The following PDHA1 variants were observed in gnomAD, a reference collection of about 807,000 sequenced individuals.
The protein encoded by PDHA1 is pyruvate dehydrogenase E1 subunit alpha 1, also known as pyruvate dehydrogenase E1 component subunit alpha, somatic form, mitochondrial.
Under a neutral mutation model 33.0 loss-of-function variants are expected in PDHA1, and 1 was observed. The observed-to-expected ratio is 0.03, with a 90% CI of 0.01 to 0.14. The LOEUF is 0.14. PDHA1 is among the 10% of genes least tolerant of loss of function. The probability of loss-of-function intolerance (pLI) is 1.00; values close to 1 mark genes in which losing one functional copy is unlikely to be tolerated. For synonymous variants in PDHA1, 123 were observed against 119.2 expected, an observed-to-expected ratio of 1.03 and a Z score of -0.21; for missense variants, 168 against 325.1, an observed-to-expected ratio of 0.52 and a Z score of 3.72.
chrX:19,345,886 C>A, intron 1 of PDHA1: 1 of 178,566 alleles, frequency 5.6e-6, no homozygotes, highest in African/African-American at 3.1e-5. Flanking sequence ...CTCAACTTGT[C>A]ATGGACTAAT....
At chrX:19,351,891 C>T (rs2063165666) in intron 4 of PDHA1, among the ~76,000 whole-genome samples, 1 of 105,330 alleles carries the variant, frequency 9.5e-6, no homozygotes, top group Non-Finnish European at 1.9e-5. Flanking sequence ...CTCCACCTCC[C>T]GGGTTCAAGT....
chrX:19,356,957 C>T (rs1231771414), intron 8 of PDHA1, among the ~76,000 whole-genome samples: 1 of 111,854 alleles, frequency 8.9e-6, no homozygotes, highest in Non-Finnish European at 1.9e-5. Context: ...TGTCCAGACT[C>T]CCAGCAGAGC....
At chrX:19,349,895 A>T in intron 2 of PDHA1, 42 bp from the exon 3 acceptor site, 2 of 1,090,065 alleles carry the variant, frequency 1.8e-6, no homozygotes, top group South Asian at 3.7e-5. Flanking sequence ...AGTGTTTGCA[A>T]TGTAGTATGT....
At position 19,361,587 on chromosome X, in the gene PDHA1, G is replaced by A; in HGVS notation, c.*1934G>A. 8.4e-7 allele frequency: 1 copy of A among 1,188,487 alleles called. No individual in the cohort carries two copies. Among genetic ancestry groups the A allele is most frequent in the Non-Finnish European group, 1.1e-6 (1 of 876,313 alleles). On this transcript the variant is annotated 3_prime_UTR_variant, in exon 11 of 11. Coordinates refer to ENST00000422285, the MANE Select transcript of PDHA1 (RefSeq NM_000284.4). ...CCCGTAGGGGCCTGCTGGGTTCTCT[G>A]TAATACCTGTAACGATTGGCAATTT...
rs1401261893 is a variant in PDHA1, at chrX:19,360,858, C to T, written c.*1205C>T. ...CCTGGGAAACAAACACAGCTGTCTT[C>T]AGAGTCAGTGCTTCAAGCCAACAGA... On this transcript the variant is annotated 3_prime_UTR_variant, in exon 11 of 11. Transcript: ENST00000422285. 1.8e-6 allele frequency: 2 copies of T among 1,120,961 alleles called. No individual in the cohort carries two copies. Among genetic ancestry groups the T allele is most frequent in the Non-Finnish European group, 2.4e-6 (2 of 826,074 alleles). 92.4% of individuals were successfully genotyped at this position (1,120,961 alleles called of 1,213,427 possible). A position where few individuals can be genotyped will look rare whatever the true frequency, so the allele number is the denominator to read the frequency against.
chrX:19,346,624 G>GT, intron 1 of PDHA1: 1 of 951,180 alleles, frequency 1.1e-6, no homozygotes, highest in Non-Finnish European at 1.3e-6. Flanking sequence ...AACCAGGCAG[G>GT]TAGGGAGATT....
chrX:19,349,923 T>G lies in PDHA1; in HGVS notation c.118-14T>G. On this transcript the variant is annotated splice_polypyrimidine_tract_variant and intron_variant, in intron 2 of 10. Coordinates refer to ENST00000422285, the MANE Select transcript of PDHA1 (RefSeq NM_000284.4). ...TAGTATGTGGAGGATAATAACTACCTTATTCCATTTCAGAAATGTGACCTT... is the reference window on the plus strand; with the variant it reads ...TAGTATGTGGAGGATAATAACTACCGTATTCCATTTCAGAAATGTGACCTT... 8.4e-7 allele frequency: 1 copy of G among 1,194,776 alleles called. No homozygotes were observed. The highest frequency in any genetic ancestry group is 3.0e-5 in the East Asian group (1 of 33,814).
intron 1 of PDHA1, among the ~76,000 whole-genome samples, chrX:19,346,207 GGGA>G (rs1942841317): frequency 1.8e-5 from 2 of 112,235 alleles, no homozygotes; most frequent in Admixed American, 1.9e-4. Context: ...ACTCCATGAA[GGGA>G]GGGAGAAGGG....
At position 19,360,676 on chromosome X, in the gene PDHA1, G is replaced by GTATACA. The variant is rs1474494370; in HGVS notation, c.*1024_*1029dup. 1.3e-6 allele frequency: 1 copy of GTATACA among 783,801 alleles called. No homozygotes were observed. Among genetic ancestry groups the GTATACA allele is most frequent in the Non-Finnish European group, 1.9e-6 (1 of 518,666 alleles). The allele number at this position is 783,801 out of a possible 1,213,427, so 64.6% of individuals were successfully genotyped here. On this transcript the variant is annotated 3_prime_UTR_variant, in exon 11 of 11. Coordinates refer to ENST00000422285, the MANE Select transcript of PDHA1 (RefSeq NM_000284.4). ...AATATGTAAACACAGCGGAATTCGT[G>GTATACA]TATACACTAACAGAAGCTTTAACAA...
chrX:19,349,874 G>A, intron 2 of PDHA1, 63 bp from the exon 3 acceptor site: 2 of 917,405 alleles, frequency 2.2e-6, no homozygotes, highest in Non-Finnish European at 3.2e-6. Context: ...TTAGATCTTA[G>A]AGTGGTCAAC....
Position 19,345,572 on chromosome X carries a change from T to TAAAAAAA in PDHA1, c.57+1502_57+1508dup, listed in dbSNP as rs11318265. Among the ~76,000 whole-genome samples, 11 of 30,261 alleles carry TAAAAAAA rather than the reference T, an allele frequency of 3.6e-4. 1 individual carries two copies. Among genetic ancestry groups the TAAAAAAA allele is most frequent in the African/African-American group, 1.0e-3 (11 of 10,545 alleles). 26.3% of individuals were successfully genotyped at this position (30,261 alleles called of 115,157 possible). ...GCGACAAGAGCAAGACTCCGTATTT[T>TAAAAAAA]AAAAAAAAAAAAAAAAAAAAAAAAA... On this transcript the variant is annotated intron_variant, in intron 1 of 10. Coordinates refer to ENST00000422285, the MANE Select transcript of PDHA1 (RefSeq NM_000284.4).
At chrX:19,346,176 G>C (rs2063132270) in intron 1 of PDHA1, among the ~76,000 whole-genome samples, 1 of 112,047 alleles carries the variant, frequency 8.9e-6, no homozygotes, top group Non-Finnish European at 1.9e-5. Flanking sequence ...TACTGCACTA[G>C]ACTCCTACCA....
At chrX:19,351,806 T>G (rs1420440839) in intron 4 of PDHA1, among the ~76,000 whole-genome samples, 1 of 97,837 alleles carries the variant, frequency 1.0e-5, no homozygotes, top group Non-Finnish European at 2.0e-5. Flanking sequence ...TTTTTTTTTT[T>G]TTTTTTTTTT....
chrX:19,357,280 G>C, intron 8 of PDHA1: 1 of 234,353 alleles, frequency 4.3e-6, no homozygotes, highest in South Asian at 5.4e-5. Flanking sequence ...TTTTTTGATA[G>C]AGATGGGGTT....
chrX:19,358,736 T>TAACA (rs756958080), intron 9 of PDHA1, among the ~76,000 whole-genome samples, 180 bp from the exon 10 acceptor site: 12 of 111,891 alleles, frequency 1.1e-4, no homozygotes, highest in South Asian at 3.7e-4. Context: ...TTTGAAAGTA[T>TAACA]AACAACAACT....
intron 6 of PDHA1, 78 bp from the exon 7 acceptor site, chrX:19,355,271 G>A (rs1444448367): frequency 1.8e-6 from 2 of 1,092,768 alleles, no homozygotes; most frequent in Non-Finnish European, 1.3e-6. Flanking sequence ...TTCTGTGCCA[G>A]GCAGAGCAGC....
chrX:19,347,940 A>G (rs909647389), intron 1 of PDHA1, among the ~76,000 whole-genome samples: 1 of 112,488 alleles, frequency 8.9e-6, no homozygotes, highest in Non-Finnish European at 1.9e-5. Flanking sequence ...GCTTTGTCCA[A>G]TAATGGTCTA....
At chrX:19,346,658 T>C (rs769031088) in intron 1 of PDHA1, 6 of 912,002 alleles carry the variant, frequency 6.6e-6, no homozygotes, top group Non-Finnish European at 8.3e-6. Context: ...AAGATTGCCA[T>C]TGTCTCATCA....
At chrX:19,348,113 T>C (rs2063144718) in intron 1 of PDHA1, among the ~76,000 whole-genome samples, 1 of 112,783 alleles carries the variant, frequency 8.9e-6, no homozygotes, top group Admixed American at 9.4e-5. Context: ...GAAATCATGT[T>C]GGTTTACACG....
Sources: allele counts gnomAD v4.1 joint callset (sites outside exome capture counted in the v4.1 genomes callset), GRCh38; gene constraint gnomAD v4.1.1; transcripts MANE v1.5; gene names NCBI Gene and HGNC (gene_info 2026-07-23, HGNC 2026-07-21).